Variants in XPO6 observed in about 807,000 individuals in gnomAD.
XPO6 encodes the protein exportin 6, also known as exportin-6.
Under a neutral mutation model 130.0 loss-of-function variants are expected in XPO6, and 3 were observed. That is an observed-to-expected ratio of 0.02 (90% CI 0.01 to 0.06). The LOEUF is 0.06. Among genes scored for constraint, XPO6 ranks in the 10% least tolerant of loss-of-function variants. XPO6 has a pLI of 1.00. For missense variants in XPO6, 970 were observed against 1,393.0 expected (o/e 0.70, Z 4.83); for synonymous variants, 524 against 548.9 (o/e 0.95, Z 0.63).
intron 1 of XPO6, among the ~76,000 whole-genome samples, chr16:28,195,030 C>A (rs1302701612): frequency 6.6e-6 from 1 of 151,380 alleles, no homozygotes; most frequent in Non-Finnish European, 1.5e-5. Flanking sequence ...GCAGTTCCCC[C>A]TTCCCCACCC....
chr16:28,118,867 C>CA (rs1174089872), intron 14 of XPO6, among the ~76,000 whole-genome samples: 4 of 152,186 alleles, frequency 2.6e-5, no homozygotes, highest in Non-Finnish European at 2.9e-5. Flanking sequence ...ATCACCCCCC[C>CA]AGACTTGAGC....
chr16:28,170,732 G>A (rs977633073), intron 4 of XPO6, among the ~76,000 whole-genome samples: 3 of 152,158 alleles, frequency 2.0e-5, no homozygotes, highest in Non-Finnish European at 2.9e-5. Context: ...ATTAAACTAA[G>A]ATTAGTTAGG....
At chr16:28,187,074 A>G (rs2043707383) in intron 1 of XPO6, among the ~76,000 whole-genome samples, 3 of 152,158 alleles carry the variant, frequency 2.0e-5, no homozygotes, top group Non-Finnish European at 2.9e-5. Context: ...AACTAACTCT[A>G]TCTGAAGGAA....
At chr16:28,194,433 T>C (rs1346820431) in intron 1 of XPO6, among the ~76,000 whole-genome samples, 3 of 152,274 alleles carry the variant, frequency 2.0e-5, no homozygotes, top group Non-Finnish European at 2.9e-5. Flanking sequence ...ACTAGACTCA[T>C]GATTCTAGCA....
chr16:28,108,320 T>C (rs764998066), intron 17 of XPO6, among the ~76,000 whole-genome samples: 1 of 152,208 alleles, frequency 6.6e-6, no homozygotes, highest in Non-Finnish European at 1.5e-5. Flanking sequence ...TGACTCCATA[T>C]GGCACACAGG....
At chr16:28,204,178 G>C (rs2043991509) in intron 1 of XPO6, among the ~76,000 whole-genome samples, 1 of 152,120 alleles carries the variant, frequency 6.6e-6, no homozygotes, top group Admixed American at 6.6e-5. Flanking sequence ...GAACAAAAGA[G>C]AGATTCCCTA....
chr16:28,103,571 A>G (rs2086699574), intron 21 of XPO6, among the ~76,000 whole-genome samples: 1 of 152,264 alleles, frequency 6.6e-6, no homozygotes, highest in Non-Finnish European at 1.5e-5. Context: ...CTGTGAAACT[A>G]TTCTCCAAAG....
intron 9 of XPO6, among the ~76,000 whole-genome samples, chr16:28,145,190 CT>C (rs2042962587): frequency 6.6e-6 from 1 of 152,164 alleles, no homozygotes; most frequent in South Asian, 2.1e-4. Flanking sequence ...CAAAATATAG[CT>C]TCTTTGCCTC....
Position 28,146,170 on chromosome 16 carries a change from T to C in XPO6, c.1258A>G (p.Ile420Val). 6.2e-7 allele frequency: 1 copy of C among 1,614,052 alleles called. No homozygotes were observed. The highest frequency in any genetic ancestry group is 8.5e-7 in the Non-Finnish European group (1 of 1,179,952). ...THEGYFSCLD[I>V]WTLFLDYLTS... is the part of the protein sequence containing the mutation. ...AGATAGTCCAAAAACAGCGTCCAGA[T>C]ATCCAAACAAGAGAAGTAACCTTCA... The change falls in exon 9 of 24, where the codon ATC becomes GTC. Residue 420 changes from isoleucine to valine, a missense_variant. Ile to Val is a conservative substitution (Grantham distance 29, BLOSUM62 3). Around this residue, in one of 4 missense-constraint regions of XPO6, gnomAD observed 936 missense variants for 1,306.8 expected, o/e 0.72. Transcript: ENST00000304658.
chr16:28,167,048 T>C (rs1389801496), intron 5 of XPO6: 1 of 812,380 alleles, frequency 1.2e-6, no homozygotes, highest in East Asian at 1.2e-4. Context: ...TTTCCCCAGG[T>C]TCCCTGACTG....
chr16:28,166,767 C>G (rs2141845631), intron 5 of XPO6, 182 bp from the exon 6 acceptor site: 2 of 985,446 alleles, frequency 2.0e-6, no homozygotes, highest in African/African-American at 3.5e-5. Context: ...TCTGGCTCTC[C>G]ACTGCTTCAC....
At chr16:28,189,257 TA>T (rs34353034) in intron 1 of XPO6, among the ~76,000 whole-genome samples, 8,273 of 134,496 alleles carry the variant, frequency 0.062, 581 homozygotes, top group East Asian at 0.17. Context: ...ACACTTCCTT[TA>T]AAAAAAAAAA....
At chr16:28,161,842 T>G (rs1480546637) in intron 6 of XPO6, among the ~76,000 whole-genome samples, 1 of 152,144 alleles carries the variant, frequency 6.6e-6, no homozygotes, top group African/African-American at 2.4e-5. Context: ...AACCAATGTT[T>G]CCTTCCAAAA....
At chr16:28,139,991 G>A (rs984252146) in intron 9 of XPO6, among the ~76,000 whole-genome samples, 2 of 152,146 alleles carry the variant, frequency 1.3e-5, no homozygotes, top group Admixed American at 1.3e-4. Flanking sequence ...CAGCACTTTG[G>A]GAGGCCAAGG....
chr16:28,159,054 A>AC (rs938844196), intron 6 of XPO6, among the ~76,000 whole-genome samples: 1 of 151,862 alleles, frequency 6.6e-6, no homozygotes, highest in Admixed American at 6.6e-5. Context: ...ACATAGCGAC[A>AC]CCCCGTCTCT....
chr16:28,107,386 C>A, intron 18 of XPO6, 136 bp downstream of exon 18: 1 of 1,060,714 alleles, frequency 9.4e-7, no homozygotes. Flanking sequence ...TGCCCTTTCC[C>A]CTCAGTACCG....
At chr16:28,152,382 A>C (rs956368484) in intron 8 of XPO6, among the ~76,000 whole-genome samples, 1 of 152,102 alleles carries the variant, frequency 6.6e-6, no homozygotes, top group Non-Finnish European at 1.5e-5. Flanking sequence ...AAGAGCCCTG[A>C]CTCTGGGTTC....
chr16:28,168,238 A>T (rs2141848004), intron 5 of XPO6, among the ~76,000 whole-genome samples: 1 of 152,294 alleles, frequency 6.6e-6, no homozygotes, highest in South Asian at 2.1e-4. Flanking sequence ...TAACTTCAGC[A>T]CTTTGGGAGG....
intron 1 of XPO6, among the ~76,000 whole-genome samples, chr16:28,181,315 A>G (rs2043610493): frequency 6.6e-6 from 1 of 152,244 alleles, no homozygotes; most frequent in South Asian, 2.1e-4. Flanking sequence ...CAACTCTGGA[A>G]TAATGATTGA....
Sources: allele counts gnomAD v4.1 joint callset (sites outside exome capture counted in the v4.1 genomes callset), GRCh38; gene constraint gnomAD v4.1.1; regional missense constraint gnomAD v4.1.1; transcripts MANE v1.5; gene names NCBI Gene and HGNC (gene_info 2026-07-23, HGNC 2026-07-21).